Variants in FLI1 observed in about 807,000 individuals in gnomAD.
FLI1 encodes Friend leukemia integration 1 transcription factor.
In FLI1, 13 loss-of-function variants were observed where a neutral mutation model predicts 53.1. The ratio of observed to expected loss-of-function variants is 0.24; its 90% CI spans 0.16 to 0.39. The LOEUF (loss-of-function observed/expected upper bound fraction) is 0.39. Ranked by LOEUF, FLI1 falls within the 10% of genes least tolerant of loss-of-function variation. The pLI is 1.00. For missense variants in FLI1, 424 were observed against 600.5 expected, an observed-to-expected ratio of 0.71 and a Z score of 3.07; for synonymous variants, 244 against 236.7, an observed-to-expected ratio of 1.03 and a Z score of -0.28.
At chr11:128,747,310 G>T (rs1160559711) in intron 1 of FLI1, among the ~76,000 whole-genome samples, 1 of 152,210 alleles carries the variant, frequency 6.6e-6, no homozygotes, top group Non-Finnish European at 1.5e-5. Flanking sequence ...TTCATGACGG[G>T]TACAGCCACT....
chr11:128,784,957 T>G lies in FLI1; in HGVS notation c.655+2934T>G, dbSNP rs538962096. On this transcript the variant is annotated intron_variant, in intron 5 of 8. Transcript: ENST00000527786. ...GCACAAAGCAAGGAAGTTGAGGAGATGCTGTCTATTAATGTCTTCAAAGCA... is the reference window on the plus strand; with the variant it reads ...GCACAAAGCAAGGAAGTTGAGGAGAGGCTGTCTATTAATGTCTTCAAAGCA... 2.0e-5 allele frequency among the ~76,000 whole-genome samples: 3 copies of G among 152,358 alleles called. No individual in the cohort carries two copies. In the South Asian group the frequency reaches 6.2e-4, roughly 32 times the overall value.
At chr11:128,694,781 A>G (rs1194171517) in intron 1 of FLI1, among the ~76,000 whole-genome samples, 7 of 151,860 alleles carry the variant, frequency 4.6e-5, no homozygotes, top group African/African-American at 1.7e-4. Context: ...TCGTTGCACG[A>G]GGGTAGGGGT....
chr11:128,697,685 G>A (rs965810505), intron 1 of FLI1, among the ~76,000 whole-genome samples: 54 of 152,324 alleles, frequency 3.5e-4, no homozygotes, highest in African/African-American at 1.3e-3. Context: ...TTGCTTTTGG[G>A]AATGGGCATA....
At chr11:128,769,430 CTT>C (rs1941471410) in intron 3 of FLI1, among the ~76,000 whole-genome samples, 1 of 152,172 alleles carries the variant, frequency 6.6e-6, no homozygotes, top group East Asian at 1.9e-4. Context: ...TTAGACATCT[CTT>C]TGAGGTAGTC....
upstream of FLI1, chr11:128,693,165 C>G (rs919772455): frequency 2.0e-5 from 3 of 152,354 alleles, no homozygotes; most frequent in African/African-American, 7.2e-5. Context: ...GGGTTTGGCT[C>G]GAGAAGATGC....
At chr11:128,726,020 G>A (rs1014810124) in intron 1 of FLI1, among the ~76,000 whole-genome samples, 1 of 152,186 alleles carries the variant, frequency 6.6e-6, no homozygotes, top group Non-Finnish European at 1.5e-5. Flanking sequence ...GAATGGCTCC[G>A]TGCTTCAGCT....
intron 2 of FLI1, among the ~76,000 whole-genome samples, chr11:128,767,795 G>T (rs1941398970): frequency 6.7e-6 from 1 of 150,372 alleles, no homozygotes; most frequent in South Asian, 2.1e-4. Context: ...AGGTTGCCTG[G>T]CAGTGAGGCT....
chr11:128,736,910 C>G (rs531280470), intron 1 of FLI1, among the ~76,000 whole-genome samples: 41 of 152,318 alleles, frequency 2.7e-4, no homozygotes, highest in African/African-American at 8.9e-4. Flanking sequence ...GAGCCTGACT[C>G]AGCATCCCAA....
At chr11:128,748,610 G>A (rs1940512635) in intron 1 of FLI1, among the ~76,000 whole-genome samples, 1 of 151,916 alleles carries the variant, frequency 6.6e-6, no homozygotes, top group African/African-American at 2.4e-5. Context: ...TCCAGCCTGG[G>A]CGACAAGAGT....
intron 1 of FLI1, among the ~76,000 whole-genome samples, chr11:128,723,144 A>G (rs567183821): frequency 6.6e-6 from 1 of 152,186 alleles, no homozygotes; most frequent in East Asian, 1.9e-4. Flanking sequence ...TGAAGATCCC[A>G]CCTCCTATAC....
chr11:128,785,669 C>T (rs1249357943), intron 5 of FLI1, among the ~76,000 whole-genome samples: 1 of 152,180 alleles, frequency 6.6e-6, no homozygotes, highest in Non-Finnish European at 1.5e-5. Context: ...AAAGATGAAC[C>T]AATAAACAAC....
intron 6 of FLI1, chr11:128,806,318 G>C (rs1942782044): frequency 6.6e-6 from 1 of 152,154 alleles, no homozygotes; most frequent in Non-Finnish European, 1.5e-5. Context: ...CTTCTGGTTG[G>C]TATCAAGGAA....
intron 1 of FLI1, among the ~76,000 whole-genome samples, chr11:128,753,219 G>C (rs1451510831): frequency 1.3e-5 from 2 of 152,194 alleles, no homozygotes; most frequent in African/African-American, 2.4e-5. Context: ...CAGCCCAGGG[G>C]TTCCTTTTAC....
chr11:128,809,226 A>C (rs758817066), intron 8 of FLI1, 22 bp downstream of exon 8: 2 of 1,611,494 alleles, frequency 1.2e-6, no homozygotes, highest in Non-Finnish European at 1.7e-6. Context: ...TTGGCCTGCA[A>C]GCCTTTTTTG....
At chr11:128,788,050 T>TTC in intron 5 of FLI1, among the ~76,000 whole-genome samples, 1 of 151,824 alleles carries the variant, frequency 6.6e-6, no homozygotes, top group African/African-American at 2.4e-5. Flanking sequence ...GACCTCATGA[T>TTC]CTGCCCGCCT....
At chr11:128,702,417 C>A (rs1565456410) in intron 1 of FLI1, among the ~76,000 whole-genome samples, 1 of 152,186 alleles carries the variant, frequency 6.6e-6, no homozygotes, top group Non-Finnish European at 1.5e-5. Context: ...GACACATTTT[C>A]TTAAAGGTAA....
At position 128,772,792 on chromosome 11, in the gene FLI1, G is replaced by A. The variant is rs1340485680; in HGVS notation, c.396G>A (p.Leu132=). The change falls in exon 4 of 9, where the codon CTG becomes CTA. Residue 132 remains leucine, a synonymous_variant. Transcript: ENST00000527786. ...RRVIVPADPT[L]WTQEHVRQWL... is the part of the protein sequence containing the mutation. ...TCTTCTCCTCTGCAGACCCCACACT[G>A]TGGACACAGGAGCATGTGAGGCAAT... 1 of 1,613,876 alleles carries A rather than the reference G, an allele frequency of 6.2e-7. No homozygotes were observed. The highest frequency in any genetic ancestry group is 8.5e-7 in the Non-Finnish European group (1 of 1,179,862).
At chr11:128,710,553 GT>G (rs1410763196) in intron 1 of FLI1, among the ~76,000 whole-genome samples, 1 of 152,038 alleles carries the variant, frequency 6.6e-6, no homozygotes. Flanking sequence ...AGCATGCTGT[GT>G]TTTTCCACAC....
At chr11:128,711,526 C>T (rs910481764) in intron 1 of FLI1, among the ~76,000 whole-genome samples, 19 of 152,334 alleles carry the variant, frequency 1.2e-4, no homozygotes, top group African/African-American at 4.1e-4. Flanking sequence ...CAAATGAGGG[C>T]ATTTGGAATT....
Sources: gnomAD v4.1 joint callset for allele counts (sites outside exome capture counted in the v4.1 genomes callset) on GRCh38, gnomAD v4.1.1 for gene constraint, MANE v1.5 for transcripts, NCBI Gene and HGNC (gene_info 2026-07-23, HGNC 2026-07-21) for gene names.